Variants in GRID1 observed in about 807,000 individuals in gnomAD.
The protein encoded by GRID1 is glutamate ionotropic receptor delta type subunit 1, also known as glutamate receptor ionotropic, delta-1.
GRID1 carries 28 observed loss-of-function variants against 98.0 expected under a neutral mutation model. That is an observed-to-expected ratio of 0.29 (90% CI 0.21 to 0.39). GRID1 has a LOEUF of 0.39. Ranked by LOEUF, GRID1 falls within the 10% of genes least tolerant of loss-of-function variation. GRID1 has a pLI of 1.00. For synonymous variants in GRID1, 553 were observed against 538.5 expected, an observed-to-expected ratio of 1.03 and a Z score of -0.37; for missense variants, 1,111 against 1,340.5, an observed-to-expected ratio of 0.83 and a Z score of 2.67.
intron 6 of GRID1, among the ~76,000 whole-genome samples, chr10:85,859,867 T>G (rs1274627119): frequency 6.6e-6 from 1 of 152,016 alleles, no homozygotes; most frequent in East Asian, 1.9e-4. Context: ...CACAACCTAT[T>G]CAGAGAAGGG....
chr10:86,063,792 G>A (rs1395928877), intron 4 of GRID1, among the ~76,000 whole-genome samples: 2 of 152,182 alleles, frequency 1.3e-5, no homozygotes, highest in Admixed American at 1.3e-4. Context: ...TCTAGAAAGA[G>A]GGTCAACAAA....
intron 3 of GRID1, among the ~76,000 whole-genome samples, chr10:86,157,907 G>C (rs539744853): frequency 6.6e-6 from 1 of 152,192 alleles, no homozygotes; most frequent in African/African-American, 2.4e-5. Flanking sequence ...CCTGAGCTCC[G>C]GCTCCAGCTG....
chr10:86,077,555 AT>A (rs1843900467), intron 4 of GRID1, among the ~76,000 whole-genome samples: 1 of 152,170 alleles, frequency 6.6e-6, no homozygotes, highest in South Asian at 2.1e-4. Flanking sequence ...AGACGCAATC[AT>A]GCTATCTGCT....
At chr10:85,814,363 T>C (rs1237975532) in intron 8 of GRID1, among the ~76,000 whole-genome samples, 1 of 151,854 alleles carries the variant, frequency 6.6e-6, no homozygotes, top group African/African-American at 2.4e-5. Flanking sequence ...ATAAATAACC[T>C]AAGTTTCTAA....
chr10:86,330,818 A>AT (rs1848129909), intron 2 of GRID1, among the ~76,000 whole-genome samples: 3 of 152,250 alleles, frequency 2.0e-5, no homozygotes. Context: ...CCCGCTGCAC[A>AT]TGGGCACACC....
In GRID1 at chr10:85,634,998, G is replaced by GAAAAAAAAA. The variant is rs140144576; in HGVS notation, c.2193+12195_2193+12203dup. 3.4e-4 allele frequency among the ~76,000 whole-genome samples: 12 copies of GAAAAAAAAA among 35,012 alleles called. 1 individual carries two copies. The highest frequency in any genetic ancestry group is 9.1e-4 in the African/African-American group (10 of 10,946). 23.0% of individuals were successfully genotyped at this position (35,012 alleles called of 152,430 possible). ...GCAAATTACAGGGCAGAGGAAATCT[G>GAAAAAAAAA]AAAAAAAAAAAAAAAAAAAAAAAAA... On this transcript the variant is annotated intron_variant, in intron 13 of 15. Coordinates refer to ENST00000327946, the MANE Select transcript of GRID1 (RefSeq NM_017551.3).
chr10:85,742,735 G>C (rs749710913), intron 8 of GRID1, among the ~76,000 whole-genome samples: 56 of 152,068 alleles, frequency 3.7e-4, no homozygotes, highest in Admixed American at 1.5e-3. Flanking sequence ...CTTCTGTAAT[G>C]TGACTTCTCC....
chr10:85,690,144 A>G (rs1841315943), intron 12 of GRID1, among the ~76,000 whole-genome samples: 1 of 152,200 alleles, frequency 6.6e-6, no homozygotes, highest in Non-Finnish European at 1.5e-5. Context: ...GCAATAAAAT[A>G]ATATGTTAAA....
At chr10:86,362,904 C>G (rs1848619397) in intron 2 of GRID1, among the ~76,000 whole-genome samples, 1 of 152,276 alleles carries the variant, frequency 6.6e-6, no homozygotes, top group Non-Finnish European at 1.5e-5. Context: ...CTACACTTCT[C>G]TACCAGTTCC....
At chr10:85,818,693 G>A (rs1293550899) in intron 8 of GRID1, among the ~76,000 whole-genome samples, 1 of 151,822 alleles carries the variant, frequency 6.6e-6, no homozygotes, top group Non-Finnish European at 1.5e-5. Flanking sequence ...ACAGTTCCCA[G>A]TAACCAAAGC....
chr10:86,298,931 G>T (rs933146482), intron 2 of GRID1, among the ~76,000 whole-genome samples: 1 of 152,192 alleles, frequency 6.6e-6, no homozygotes, highest in African/African-American at 2.4e-5. Context: ...GGCACGTGAG[G>T]AAGGAGTGGA....
intron 2 of GRID1, among the ~76,000 whole-genome samples, chr10:86,345,697 G>C (rs1848372008): frequency 6.6e-6 from 1 of 152,178 alleles, no homozygotes; most frequent in Admixed American, 6.5e-5. Context: ...CCTAGATGGA[G>C]GCACATGGCT....
intron 3 of GRID1, among the ~76,000 whole-genome samples, chr10:86,151,917 A>G (rs1365417376): frequency 6.6e-6 from 1 of 152,234 alleles, no homozygotes; most frequent in African/African-American, 2.4e-5. Context: ...TTACCCACTC[A>G]GGCTTGCTCC....
chr10:86,159,964 C>A (rs1028307390), intron 3 of GRID1, among the ~76,000 whole-genome samples: 1 of 152,166 alleles, frequency 6.6e-6, no homozygotes. Flanking sequence ...TCACCATCAC[C>A]TTCATCATCA....
intron 8 of GRID1, among the ~76,000 whole-genome samples, chr10:85,846,386 T>C (rs1431119253): frequency 1.3e-5 from 2 of 152,206 alleles, no homozygotes; most frequent in East Asian, 3.9e-4. Flanking sequence ...CAGCCAGGCA[T>C]AGTGGCATGT....
At chr10:85,859,262 T>A (rs1041189331) in intron 6 of GRID1, among the ~76,000 whole-genome samples, 2 of 152,176 alleles carry the variant, frequency 1.3e-5, no homozygotes, top group African/African-American at 4.8e-5. Context: ...GAACACATGG[T>A]AGACACATGT....
intron 3 of GRID1, among the ~76,000 whole-genome samples, chr10:86,185,572 T>C (rs1845715597): frequency 1.3e-5 from 2 of 152,164 alleles, no homozygotes; most frequent in African/African-American, 4.8e-5. Flanking sequence ...GCATATAGTC[T>C]TTCACTATTA....
At chr10:85,924,414 A>C (rs1001673715) in intron 4 of GRID1, among the ~76,000 whole-genome samples, 1 of 152,250 alleles carries the variant, frequency 6.6e-6, no homozygotes, top group Admixed American at 6.5e-5. Context: ...AAGTGAACTT[A>C]AAGTGGAGGA....
At chr10:86,312,047 C>T (rs1300340738) in intron 2 of GRID1, among the ~76,000 whole-genome samples, 3 of 152,246 alleles carry the variant, frequency 2.0e-5, no homozygotes, top group African/African-American at 7.2e-5. Context: ...GTAATTTGTG[C>T]AAAGTGCCTT....
Sources: allele counts gnomAD v4.1 joint callset (sites outside exome capture counted in the v4.1 genomes callset), GRCh38; gene constraint gnomAD v4.1.1; transcripts MANE v1.5; gene names NCBI Gene and HGNC (gene_info 2026-07-23, HGNC 2026-07-21).